The following CD99 variants were observed in gnomAD, a reference collection of about 807,000 sequenced individuals.
The protein encoded by CD99 is CD99 antigen.
CD99 carries 19 observed loss-of-function variants against 28.4 expected under a neutral mutation model. The observed-to-expected ratio is 0.67, with a 90% CI of 0.47 to 0.98. The LOEUF (loss-of-function observed/expected upper bound fraction) is 0.98. Among genes scored for constraint, CD99 ranks in the 50% least tolerant of loss-of-function variants. The pLI, the probability that CD99 is intolerant of heterozygous loss-of-function variation, is 0.00. For synonymous variants in CD99, 103 were observed against 92.1 expected (o/e 1.12, Z -0.67); for missense variants, 283 against 248.8 (o/e 1.14, Z -0.92).
At chrX:2,720,539 G>A in intron 5 of CD99, 115 bp downstream of exon 5, 1 of 820,498 alleles carries the variant, frequency 1.2e-6, no homozygotes. Context: ...GACTGCCTGT[G>A]CAGTGTAATG....
At chrX:2,733,547 A>G (rs145378185) in intron 8 of CD99, 14 of 659,412 alleles carry the variant, frequency 2.1e-5, no homozygotes, top group Non-Finnish European at 2.9e-5. Context: ...CTTCAGTTCC[A>G]TATGCTTTTG....
intron 2 of CD99, among the ~76,000 whole-genome samples, chrX:2,716,111 C>T (rs1484921115): frequency 4.6e-5 from 7 of 151,614 alleles, no homozygotes; most frequent in African/African-American, 7.3e-5. Context: ...CTCTGCCTCC[C>T]GGGTTCAAGT....
At chrX:2,722,481 C>T in intron 5 of CD99, 146 bp from the exon 6 acceptor site, 1 of 738,352 alleles carries the variant, frequency 1.4e-6, no homozygotes, top group Non-Finnish European at 2.5e-6. Flanking sequence ...TCACCACATC[C>T]AGCTAATTTT....
At chrX:2,698,147 A>G (rs2047662606) in intron 1 of CD99, among the ~76,000 whole-genome samples, 1 of 149,472 alleles carries the variant, frequency 6.7e-6, no homozygotes, top group Non-Finnish European at 1.5e-5. Context: ...TAAACATATC[A>G]CCGGGCAGTG....
chrX:2,732,666 C>G lies in CD99; in HGVS notation c.476-5534C>G, dbSNP rs770207468. On this transcript the variant is annotated intron_variant, in intron 8 of 9. Transcript: ENST00000381192. The stretch of plus-strand genomic sequence containing the variant: ...CTTTTTCTCTCTTCCTTTTCTCTAT[C>G]TCTTCCTTTCTTCCTTCTCTTTTCT... 9.4e-5 allele frequency among the ~76,000 whole-genome samples: 13 copies of G among 138,700 alleles called. No individual in the cohort carries two copies. In the South Asian group the frequency reaches 2.6e-3, roughly 28 times the overall value. 91.0% of individuals were successfully genotyped at this position (138,700 alleles called of 152,430 possible).
At chrX:2,694,356 T>A (rs2047474282) in intron 1 of CD99, among the ~76,000 whole-genome samples, 1 of 151,670 alleles carries the variant, frequency 6.6e-6, no homozygotes, top group Non-Finnish European at 1.5e-5. Context: ...ATTAGGAGAA[T>A]GTTTCTGGGC....
At chrX:2,717,770 G>C (rs2048802351) in intron 3 of CD99, 118 bp downstream of exon 3, 3 of 855,288 alleles carry the variant, frequency 3.5e-6, no homozygotes, top group Non-Finnish European at 5.9e-6. Context: ...TCCGGCTGGA[G>C]TCTGGTTAAT....
chrX:2,719,399 C>A, intron 3 of CD99: 1 of 367,458 alleles, frequency 2.7e-6, no homozygotes, highest in Non-Finnish European at 4.6e-6. Context: ...CTCTCTCTCT[C>A]CCCACTGCCT....
chrX:2,740,461 C>A (rs991802513), intron 9 of CD99, among the ~76,000 whole-genome samples: 6 of 152,138 alleles, frequency 3.9e-5, no homozygotes, highest in African/African-American at 1.2e-4. Context: ...ACTGCACACT[C>A]TCATTTAGAA....
chrX:2,697,756 GTCT>G (rs1486509677), intron 1 of CD99, among the ~76,000 whole-genome samples: 3 of 152,048 alleles, frequency 2.0e-5, no homozygotes, highest in South Asian at 2.1e-4. Context: ...GTTGCTAGCT[GTCT>G]TCTTCTGGGG....
At chrX:2,704,169 A>C (rs1237073104) in intron 1 of CD99, among the ~76,000 whole-genome samples, 1 of 152,166 alleles carries the variant, frequency 6.6e-6, no homozygotes, top group Non-Finnish European at 1.5e-5. Flanking sequence ...CAGCCCAAAC[A>C]TTCACACCAT....
At position 2,714,358 on chromosome X, in the gene CD99, C is replaced by G. The variant is rs1295732592; in HGVS notation, c.68-64C>G. 5 of 1,308,890 alleles carry G rather than the reference C, an allele frequency of 3.8e-6. No homozygotes were observed. In the African/African-American group the frequency reaches 7.3e-5, roughly 19 times the overall value. 81.1% of individuals were successfully genotyped at this position (1,308,890 alleles called of 1,614,324 possible). ...GAAAAATCGCATATCTTTTTTATCT[C>G]TATAATATTCAAATTTATTTTTATT... On this transcript the variant is annotated intron_variant, in intron 1 of 9. Transcript: ENST00000381192.
chrX:2,697,961 C>T (rs1397551488), intron 1 of CD99, among the ~76,000 whole-genome samples: 3 of 151,582 alleles, frequency 2.0e-5, no homozygotes, highest in African/African-American at 4.8e-5. Flanking sequence ...CTTTTGAGAC[C>T]GTGCCGAGGT....
intron 8 of CD99, among the ~76,000 whole-genome samples, chrX:2,728,554 T>G (rs754145693): frequency 6.6e-6 from 1 of 152,238 alleles, no homozygotes; most frequent in Non-Finnish European, 1.5e-5. Flanking sequence ...GATGACCACA[T>G]TCAAGGAGAT....
intron 7 of CD99, among the ~76,000 whole-genome samples, chrX:2,723,876 TGACA>T (rs1321751684): frequency 1.3e-5 from 2 of 151,260 alleles, no homozygotes; most frequent in East Asian, 2.0e-4. Context: ...AAGAAAATAA[TGACA>T]GACAGAATTC....
chrX:2,696,916 C>T (rs932118246), intron 1 of CD99, among the ~76,000 whole-genome samples: 9 of 152,210 alleles, frequency 5.9e-5, no homozygotes, highest in Non-Finnish European at 1.2e-4. Flanking sequence ...ATGCCTTGTA[C>T]GGTCTCCTAG....
intron 8 of CD99, among the ~76,000 whole-genome samples, chrX:2,736,448 G>A (rs1048008426): frequency 3.3e-5 from 5 of 151,958 alleles, no homozygotes; most frequent in South Asian, 2.1e-4. Context: ...CATCTCTTAC[G>A]CGTTTCCAAT....
intron 8 of CD99, among the ~76,000 whole-genome samples, chrX:2,734,098 A>G (rs1419817414): frequency 1.3e-5 from 2 of 152,146 alleles, no homozygotes; most frequent in African/African-American, 4.8e-5. Flanking sequence ...CATATCCCTG[A>G]AAAACACAAA....
At chrX:2,715,682 AT>A (rs2048670821) in intron 2 of CD99, 1 of 149,638 alleles carries the variant, frequency 6.7e-6, no homozygotes, top group South Asian at 2.1e-4. Flanking sequence ...CCACTGCTCA[AT>A]CCACTGCAGT....
Sources: allele counts gnomAD v4.1 joint callset (sites outside exome capture counted in the v4.1 genomes callset), GRCh38; gene constraint gnomAD v4.1.1; transcripts MANE v1.5; gene names NCBI Gene and HGNC (gene_info 2026-07-23, HGNC 2026-07-21).